STK32B: variants seen among roughly 807,000 people sequenced by gnomAD.
STK32B encodes serine/threonine kinase 32B, also known as serine/threonine-protein kinase 32B.
In STK32B, 43 loss-of-function variants were observed where a neutral mutation model predicts 52.6. That is an observed-to-expected ratio of 0.82 (90% CI 0.64 to 1.05). STK32B has a LOEUF of 1.05. STK32B is among the 50% of genes least tolerant of loss of function. STK32B has a pLI of 0.00. For synonymous variants in STK32B, 238 were observed against 204.3 expected (o/e 1.17, Z -1.41); for missense variants, 621 against 534.6 (o/e 1.16, Z -1.59).
intron 4 of STK32B, among the ~76,000 whole-genome samples, chr4:5,371,056 GTA>G (rs1442073661): frequency 2.1e-4 from 32 of 151,320 alleles, no homozygotes; most frequent in African/African-American, 7.5e-4. Context: ...GTGTGTGTGT[GTA>G]TATATTCTAA....
chr4:5,285,834 G>A (rs985887893), intron 3 of STK32B, among the ~76,000 whole-genome samples: 3 of 152,134 alleles, frequency 2.0e-5, no homozygotes, highest in African/African-American at 7.2e-5. Flanking sequence ...AGCTCACTCT[G>A]AATTGTGTTC....
At chr4:5,273,922 C>G (rs1323305282) in intron 3 of STK32B, among the ~76,000 whole-genome samples, 2 of 150,280 alleles carry the variant, frequency 1.3e-5, no homozygotes, top group Non-Finnish European at 3.0e-5. Flanking sequence ...AGCGCACCAG[C>G]ATGACACATG....
intron 3 of STK32B, among the ~76,000 whole-genome samples, chr4:5,290,225 C>G (rs1577299861): frequency 6.6e-6 from 1 of 152,236 alleles, no homozygotes; most frequent in East Asian, 1.9e-4. Context: ...GTTTTACTTT[C>G]TTCAATAATA....
At chr4:5,322,541 A>C (rs1393342079) in intron 3 of STK32B, among the ~76,000 whole-genome samples, 3 of 152,164 alleles carry the variant, frequency 2.0e-5, no homozygotes, top group Non-Finnish European at 4.4e-5. Flanking sequence ...GATTTTCTGA[A>C]TCCCACAGAG....
At chr4:5,459,295 A>AG (rs1253686792) in intron 8 of STK32B, among the ~76,000 whole-genome samples, 1 of 128,334 alleles carries the variant, frequency 7.8e-6, no homozygotes, top group Non-Finnish European at 1.7e-5. Flanking sequence ...CCCCCCCCCC[A>AG]CCTTTCTAAG....
intron 1 of STK32B, among the ~76,000 whole-genome samples, chr4:5,087,476 TA>T (rs1479827612): frequency 6.6e-6 from 1 of 151,990 alleles, no homozygotes; most frequent in African/African-American, 2.4e-5. Flanking sequence ...GTAAATGGAT[TA>T]AACTCTCCAA....
chr4:5,331,468 G>T (rs1732246622), intron 4 of STK32B, 75 bp downstream of exon 4: 1 of 1,483,356 alleles, frequency 6.7e-7, no homozygotes, highest in Non-Finnish European at 9.0e-7. Flanking sequence ...CTGCAGTAGT[G>T]GGGAGAGAAT....
At chr4:5,249,148 T>C (rs1414584887) in intron 3 of STK32B, among the ~76,000 whole-genome samples, 2 of 152,198 alleles carry the variant, frequency 1.3e-5, no homozygotes, top group South Asian at 4.1e-4. Flanking sequence ...ACACCATTGC[T>C]CTCCTGCTGC....
In STK32B at chr4:5,113,325, A is replaced by G. The variant is rs573620638; in HGVS notation, c.53-26580A>G. Among the ~76,000 whole-genome samples the G allele has an allele frequency of 3.9e-5, 6 of 152,244 alleles. No individual in the cohort carries two copies. In the South Asian group the frequency reaches 1.2e-3, roughly 32 times the overall value. ...TGAATCTGCCATGCCTTGATCTTGG[A>G]TTCCCCAGCCTCTAGACTGTGAGAA... On this transcript the variant is annotated intron_variant, in intron 1 of 11. Coordinates refer to ENST00000282908, the MANE Select transcript of STK32B (RefSeq NM_018401.3).
intron 5 of STK32B, among the ~76,000 whole-genome samples, chr4:5,412,592 C>T (rs1449260500): frequency 6.6e-6 from 1 of 152,156 alleles, no homozygotes; most frequent in Non-Finnish European, 1.5e-5. Context: ...TCCACTCTGG[C>T]TTCTGCATAT....
chr4:5,122,273 TTCAC>T (rs1383970997), intron 1 of STK32B, among the ~76,000 whole-genome samples: 2 of 151,800 alleles, frequency 1.3e-5, no homozygotes, highest in Admixed American at 6.6e-5. Flanking sequence ...CATTCATTCA[TTCAC>T]TCACCCATTC....
intron 11 of STK32B, among the ~76,000 whole-genome samples, chr4:5,480,888 C>G (rs1028795820): frequency 3.9e-5 from 6 of 152,096 alleles, no homozygotes; most frequent in African/African-American, 1.4e-4. Context: ...CAGCTTCATC[C>G]ATGTCCCTAC....
chr4:5,151,727 T>C (rs919337169), intron 2 of STK32B, among the ~76,000 whole-genome samples: 4 of 152,188 alleles, frequency 2.6e-5, no homozygotes, highest in African/African-American at 9.7e-5. Context: ...GATGCTAATA[T>C]ATGTTAGTGG....
At chr4:5,178,694 C>T (rs7676633) in intron 3 of STK32B, among the ~76,000 whole-genome samples, 1 of 152,184 alleles carries the variant, frequency 6.6e-6, no homozygotes, top group African/African-American at 2.4e-5. Context: ...CCACAGATCT[C>T]TAGGGCAAGG....
At chr4:5,190,864 T>G (rs1032398748) in intron 3 of STK32B, among the ~76,000 whole-genome samples, 1 of 152,062 alleles carries the variant, frequency 6.6e-6, no homozygotes, top group Non-Finnish European at 1.5e-5. Context: ...AAACTGAGGC[T>G]CAGAGAAGCT....
chr4:5,332,635 A>G (rs547395321), intron 4 of STK32B, among the ~76,000 whole-genome samples: 12 of 152,170 alleles, frequency 7.9e-5, no homozygotes, highest in African/African-American at 2.4e-4. Context: ...TCCTAATGCT[A>G]TCCCTCCCCG....
Position 5,399,238 on chromosome 4 carries a change from G to A in STK32B, c.472+994G>A, listed in dbSNP as rs1161469508. On this transcript the variant is annotated intron_variant, in intron 5 of 11. Transcript: ENST00000282908. The surrounding 1 kb of genome is among the most constrained non-coding windows in gnomAD (Gnocchi z 5.4). ...GCAGGTGCGAATTCTTCTGAAGTAG[G>A]GATTCTCATCCCTGCTGAGGCCTTC... 6.6e-6 allele frequency among the ~76,000 whole-genome samples: 1 copy of A among 150,962 alleles called. No homozygotes were observed. Among genetic ancestry groups the A allele is most frequent in the Non-Finnish European group, 1.5e-5 (1 of 67,182 alleles).
chr4:5,367,945 AG>A (rs1200940747), intron 4 of STK32B, among the ~76,000 whole-genome samples: 3 of 152,134 alleles, frequency 2.0e-5, no homozygotes, highest in African/African-American at 7.2e-5. Context: ...TGAGGTGGGG[AG>A]GGGGCTTCAC....
At chr4:5,110,511 GAC>G (rs991686278) in intron 1 of STK32B, among the ~76,000 whole-genome samples, 13 of 151,660 alleles carry the variant, frequency 8.6e-5, no homozygotes, top group African/African-American at 3.2e-4. Flanking sequence ...ATGGGAAAAA[GAC>G]ATCCTATTCA....
Sources: gnomAD v4.1 joint callset for allele counts (sites outside exome capture counted in the v4.1 genomes callset) on GRCh38, gnomAD v4.1.1 for gene constraint, Gnocchi (gnomAD v3.1) non-coding constraint, MANE v1.5 for transcripts, NCBI Gene and HGNC (gene_info 2026-07-23, HGNC 2026-07-21) for gene names.